Variants in ERC2 observed in about 807,000 individuals in gnomAD.
ERC2 encodes the protein ELKS/RAB6-interacting/CAST family member 2, also known as ERC protein 2.
A neutral mutation model predicts 114.8 loss-of-function variants in ERC2; 42 were observed. The ratio of observed to expected loss-of-function variants is 0.37; its 90% confidence interval spans 0.29 to 0.47. The LOEUF (loss-of-function observed/expected upper bound fraction) is 0.47, where lower values mean the gene tolerates loss of function less well. Among genes scored for constraint, ERC2 ranks in the 20% least tolerant of loss-of-function variants. The pLI is 0.99. For missense variants in ERC2, 939 were observed against 1,150.7 expected, an observed-to-expected ratio of 0.82 and a Z score of 2.66; for synonymous variants, 454 against 425.5, an observed-to-expected ratio of 1.07 and a Z score of -0.82.
intron 17 of ERC2, among the ~76,000 whole-genome samples, chr3:55,678,949 G>A (rs1335004488): frequency 6.6e-6 from 1 of 152,068 alleles, no homozygotes; most frequent in East Asian, 1.9e-4. Flanking sequence ...CTGCTGCCCT[G>A]GGTCAGTGCC....
intron 14 of ERC2, among the ~76,000 whole-genome samples, chr3:55,824,607 C>T (rs2060257795): frequency 6.6e-6 from 1 of 152,168 alleles, no homozygotes; most frequent in South Asian, 2.1e-4. Flanking sequence ...TCTGAGAGTT[C>T]CCACAACACT....
chr3:56,221,922 C>A (rs2049942170), intron 3 of ERC2, among the ~76,000 whole-genome samples: 1 of 149,794 alleles, frequency 6.7e-6, no homozygotes, highest in South Asian at 2.1e-4. Flanking sequence ...ATCTAAAAAG[C>A]ATTTCAAAAT....
intron 15 of ERC2, among the ~76,000 whole-genome samples, chr3:55,722,872 T>C (rs2064666344): frequency 6.6e-6 from 1 of 152,216 alleles, no homozygotes; most frequent in Non-Finnish European, 1.5e-5. Context: ...GACATTTATT[T>C]AAATATTTAC....
chr3:55,860,201 A>G (rs1575889761), intron 14 of ERC2, among the ~76,000 whole-genome samples: 1 of 152,152 alleles, frequency 6.6e-6, no homozygotes, highest in Admixed American at 6.5e-5. Context: ...TGGACTGACT[A>G]TGGATTTAAG....
At chr3:56,367,546 A>G (rs1398472050) in intron 2 of ERC2, among the ~76,000 whole-genome samples, 1 of 152,138 alleles carries the variant, frequency 6.6e-6, no homozygotes, top group Non-Finnish European at 1.5e-5. Flanking sequence ...CTTGCATTTA[A>G]AGATCCATCC....
chr3:55,926,667 T>C (rs980251033), intron 13 of ERC2, among the ~76,000 whole-genome samples: 4 of 152,188 alleles, frequency 2.6e-5, no homozygotes, highest in Middle Eastern at 3.2e-3. Context: ...TATCACCTTC[T>C]GTCTCTACAT....
At chr3:56,178,587 G>C (rs1157089965) in intron 3 of ERC2, among the ~76,000 whole-genome samples, 1 of 152,142 alleles carries the variant, frequency 6.6e-6, no homozygotes, top group Non-Finnish European at 1.5e-5. Context: ...AACACCAATT[G>C]GAGGAATCAA....
chr3:55,810,800 T>C (rs1296495110), intron 14 of ERC2, among the ~76,000 whole-genome samples: 1 of 152,198 alleles, frequency 6.6e-6, no homozygotes, highest in African/African-American at 2.4e-5. Context: ...ATCTATATGA[T>C]ACCTTAATGG....
intron 14 of ERC2, among the ~76,000 whole-genome samples, chr3:55,769,140 T>C (rs577347554): frequency 6.6e-6 from 1 of 152,306 alleles, no homozygotes; most frequent in South Asian, 2.1e-4. Flanking sequence ...GGCTCCAGCA[T>C]ACAAAGGTGG....
chr3:56,296,316 G>A lies in ERC2; in HGVS notation c.777C>T (p.Thr259=), dbSNP rs766039075. ...CTTGGAGCCGCCTAAAGTTCTCCTC[G>A]GTCAGCTCGATGGTGAAGTGCTCCG... is the stretch of plus-strand genomic sequence containing the variant. ...RGAEHFTIEL[T]EENFRRLQAE... The change falls in exon 3 of 18, where the codon ACC becomes ACT. Residue 259 remains threonine (T), a synonymous_variant. Transcript: ENST00000288221. 72 of 1,613,822 alleles carry A rather than the reference G, an allele frequency of 4.5e-5. No individual in the cohort carries two copies. Among genetic ancestry groups the A allele is most frequent in the African/African-American group, 6.7e-5 (5 of 74,884 alleles).
chr3:56,322,584 GACA>G (rs1467556810), intron 2 of ERC2, among the ~76,000 whole-genome samples: 4 of 152,260 alleles, frequency 2.6e-5, no homozygotes, highest in East Asian at 3.9e-4. Flanking sequence ...TAAAAAACTG[GACA>G]ACATGTATGA....
chr3:55,767,459 A>C (rs1317774409), intron 14 of ERC2, among the ~76,000 whole-genome samples: 2 of 152,104 alleles, frequency 1.3e-5, no homozygotes, highest in Non-Finnish European at 2.9e-5. Context: ...AGGGAAGTAA[A>C]ACAGAAACCC....
chr3:56,161,362 C>T (rs905654182), intron 4 of ERC2, among the ~76,000 whole-genome samples: 22 of 152,142 alleles, frequency 1.4e-4, no homozygotes, highest in Admixed American at 5.9e-4. Context: ...CAGCCTATTA[C>T]AATTGCTTTG....
At position 56,027,297 on chromosome 3, in the gene ERC2, C is replaced by T. The variant is rs61532778; in HGVS notation, c.1642-8266G>A. Among the ~76,000 whole-genome samples the T allele has an allele frequency of 1.3e-3, 196 of 152,226 alleles. 2 individuals are homozygous for T. In the East Asian group the frequency reaches 0.034, roughly 27 times the overall value. ...CATTCAACTACGGGTTTTATTTTTT[C>T]GGTGACGTAAGTTTTCACTTTTCTG... On this transcript the variant is annotated intron_variant, in intron 7 of 17. Coordinates refer to ENST00000288221, the MANE Select transcript of ERC2 (RefSeq NM_015576.3).
intron 12 of ERC2, among the ~76,000 whole-genome samples, chr3:55,972,430 C>A (rs1456029938): frequency 1.3e-5 from 2 of 152,096 alleles, no homozygotes; most frequent in South Asian, 4.1e-4. Context: ...CTTCCCTTGT[C>A]CCCAACACCC....
At chr3:55,744,490 G>C (rs1274773293) in intron 14 of ERC2, among the ~76,000 whole-genome samples, 1 of 152,192 alleles carries the variant, frequency 6.6e-6, no homozygotes, top group Non-Finnish European at 1.5e-5. Context: ...CTTCACCTTA[G>C]CCTCTGATTG....
chr3:55,965,482 A>C (rs897403035), intron 12 of ERC2, among the ~76,000 whole-genome samples: 2 of 152,158 alleles, frequency 1.3e-5, no homozygotes, highest in Non-Finnish European at 2.9e-5. Flanking sequence ...ATTTTTTAAA[A>C]CTTCTTAAAC....
intron 12 of ERC2, among the ~76,000 whole-genome samples, chr3:55,975,190 T>TAAA (rs112414816): frequency 3.5e-5 from 5 of 143,992 alleles, no homozygotes; most frequent in African/African-American, 1.3e-4. Flanking sequence ...GGAGTTGCTA[T>TAAA]AAAAAAAAAA....
intron 14 of ERC2, among the ~76,000 whole-genome samples, chr3:55,827,299 G>GAGAAAGAAAGAA (rs148957184): frequency 6.6e-6 from 1 of 150,490 alleles, no homozygotes; most frequent in African/African-American, 2.5e-5. Context: ...AAAAAAGGAA[G>GAGAAAGAAAGAA]AGAAAGAAAG....
Sources: gnomAD v4.1 joint callset for allele counts (sites outside exome capture counted in the v4.1 genomes callset) on GRCh38, gnomAD v4.1.1 for gene constraint, MANE v1.5 for transcripts, NCBI Gene and HGNC (gene_info 2026-07-23, HGNC 2026-07-21) for gene names.